The following GRK3 variants were observed in gnomAD, a reference collection of about 807,000 sequenced individuals.
GRK3 encodes the protein G protein-coupled receptor kinase 3, also known as adrenergic, beta, receptor kinase 2.
In GRK3, 54 loss-of-function variants were observed where a neutral mutation model predicts 95.7. The ratio of observed to expected loss-of-function variants is 0.56; its 90% CI spans 0.45 to 0.71. GRK3 has a LOEUF of 0.71. GRK3 is among the 30% of genes least tolerant of loss of function. GRK3 has a pLI of 0.00. For synonymous variants in GRK3, 281 were observed against 290.8 expected (o/e 0.97, Z 0.34); for missense variants, 649 against 851.2 (o/e 0.76, Z 2.96).
chr22:25,696,125 G>A (rs1394868439), intron 13 of GRK3, among the ~76,000 whole-genome samples: 3 of 151,740 alleles, frequency 2.0e-5, no homozygotes, highest in Non-Finnish European at 4.4e-5. Flanking sequence ...ATGAGCCACC[G>A]CGTCCGGCCT....
At position 25,685,235 on chromosome 22, in the gene GRK3, G is replaced by T; in HGVS notation, c.813G>T (p.Leu271=). ...CCCCAGATAAACTCTGCTTCATCCTGGATCTGATGAACGGTAAGCAAAACT... is the reference window on the plus strand; with the variant it reads ...CCCCAGATAAACTCTGCTTCATCCTTGATCTGATGAACGGTAAGCAAAACT... ...FHTPDKLCFI[L]DLMNGGDLHY... is the part of the protein sequence containing the mutation. Residue 271 remains leucine, a synonymous_variant, in exon 10 of 21, where the codon CTG becomes CTT. Transcript: ENST00000324198. The T allele has an allele frequency of 6.2e-7, 1 of 1,612,432 alleles. No individual in the cohort carries two copies.
intron 10 of GRK3, among the ~76,000 whole-genome samples, chr22:25,686,227 A>C (rs1280520004): frequency 1.3e-5 from 2 of 152,046 alleles, no homozygotes; most frequent in East Asian, 1.9e-4. Flanking sequence ...GTCTCAAAAA[A>C]AAAAAACAAA....
chr22:25,689,683 T>C (rs533721439), intron 11 of GRK3, among the ~76,000 whole-genome samples: 2 of 152,212 alleles, frequency 1.3e-5, no homozygotes, highest in East Asian at 1.9e-4. Flanking sequence ...ATGACACTTA[T>C]TGGGATTAGT....
intron 1 of GRK3, among the ~76,000 whole-genome samples, chr22:25,588,846 G>T (rs1462713213): frequency 6.7e-6 from 1 of 149,670 alleles, no homozygotes; most frequent in Admixed American, 6.7e-5. Context: ...ATAGCTCACT[G>T]CAGCCTCAAA....
chr22:25,602,165 A>C (rs1208881719), intron 1 of GRK3, among the ~76,000 whole-genome samples: 1 of 152,242 alleles, frequency 6.6e-6, no homozygotes, highest in African/African-American at 2.4e-5. Context: ...ACATTTGTCT[A>C]CACACCTCTA....
intron 17 of GRK3, among the ~76,000 whole-genome samples, chr22:25,713,229 C>T (rs548381132): frequency 6.6e-6 from 1 of 152,146 alleles, no homozygotes; most frequent in South Asian, 2.1e-4. Context: ...GCTCATCGGA[C>T]CTTGAGGTTT....
At chr22:25,572,096 G>A (rs1931720325) in intron 1 of GRK3, among the ~76,000 whole-genome samples, 1 of 151,442 alleles carries the variant, frequency 6.6e-6, no homozygotes, top group Non-Finnish European at 1.5e-5. Context: ...CTATGAGTGA[G>A]AACATGTGGT....
rs143337955 is a variant in GRK3 at position 25,648,156 on chromosome 22, C to T, written c.264+3491C>T. ...CAAACAGAACAAAACAAAACAAAAA[C>T]GAGAGAGCGAAACTACTAAAGGTGC... On this transcript the variant is annotated intron_variant, in intron 3 of 20. Transcript: ENST00000324198. The T allele has an allele frequency of 2.8e-4, 182 of 660,486 alleles. No homozygotes were observed. In the East Asian group the frequency reaches 3.8e-3, roughly 14 times the overall value. 40.9% of individuals were successfully genotyped at this position (660,486 alleles called of 1,614,324 possible). A position where few individuals can be genotyped will look rare whatever the true frequency, so the allele number is the denominator to read the frequency against.
intron 1 of GRK3, among the ~76,000 whole-genome samples, chr22:25,576,469 C>T (rs1931902654): frequency 6.6e-6 from 1 of 152,198 alleles, no homozygotes; most frequent in Non-Finnish European, 1.5e-5. Context: ...GACCAGAAAC[C>T]TTTGCCATTT....
rs1459158567 is a variant in GRK3, at chr22:25,649,152, C to T, written c.264+4487C>T. ...TTGGAAGAAGGACCCTGATGAAAGACCAACATTTGAATATGTTCAGTCCTT... is the reference window on the plus strand; with the variant it reads ...TTGGAAGAAGGACCCTGATGAAAGATCAACATTTGAATATGTTCAGTCCTT... On this transcript the variant is annotated intron_variant, in intron 3 of 20. Coordinates refer to ENST00000324198, the MANE Select transcript of GRK3 (RefSeq NM_005160.4). 3.5e-6 allele frequency: 5 copies of T among 1,418,962 alleles called. No individual in the cohort carries two copies. The South Asian group carries it at 4.6e-5, about 13-fold the overall frequency. The allele number at this position is 1,418,962 out of a possible 1,614,324, so 87.9% of individuals were successfully genotyped here.
Position 25,722,552 on chromosome 22 carries a change from T to C in GRK3, c.*102T>C. On this transcript the variant is annotated 3_prime_UTR_variant, in exon 21 of 21. Transcript: ENST00000324198. ...CTGATCTATTCGCTACCGGGACTCC[T>C]CCAGGCTCCCGAGAGGAGTCGGGAC... 1 of 1,296,102 alleles carries C rather than the reference T, an allele frequency of 7.7e-7. No homozygotes were observed. 80.3% of individuals were successfully genotyped at this position (1,296,102 alleles called of 1,614,324 possible).
intron 3 of GRK3, among the ~76,000 whole-genome samples, chr22:25,659,639 G>A (rs1000159503): frequency 4.6e-5 from 7 of 152,190 alleles, no homozygotes; most frequent in Admixed American, 2.0e-4. Flanking sequence ...CTATGTATAT[G>A]CTGCAATAGG....
intron 1 of GRK3, among the ~76,000 whole-genome samples, chr22:25,567,834 T>G (rs1055391273): frequency 6.6e-6 from 1 of 152,232 alleles, no homozygotes; most frequent in African/African-American, 2.4e-5. Flanking sequence ...GAACGAAATA[T>G]CTAGCTAATT....
At chr22:25,612,066 C>G (rs1171626357) in intron 2 of GRK3, among the ~76,000 whole-genome samples, 1 of 152,104 alleles carries the variant, frequency 6.6e-6, no homozygotes, top group African/African-American at 2.4e-5. Flanking sequence ...CTCTTGAGCT[C>G]AGGCAATCCA....
intron 13 of GRK3, among the ~76,000 whole-genome samples, chr22:25,700,142 A>G (rs2085246767): frequency 6.6e-6 from 1 of 152,236 alleles, no homozygotes; most frequent in Non-Finnish European, 1.5e-5. Flanking sequence ...GATGGGAGAA[A>G]GATGTCAAGG....
chr22:25,675,151 C>G (rs536396948), intron 8 of GRK3, among the ~76,000 whole-genome samples: 1 of 152,086 alleles, frequency 6.6e-6, no homozygotes, highest in Non-Finnish European at 1.5e-5. Context: ...TCAGCCTCCC[C>G]ATCAGATCAC....
intron 16 of GRK3, among the ~76,000 whole-genome samples, chr22:25,710,732 A>T (rs2085337538): frequency 6.6e-6 from 1 of 152,176 alleles, no homozygotes; most frequent in South Asian, 2.1e-4. Flanking sequence ...GGCAACCCAA[A>T]GGTGGTGTTG....
rs563761758 is a variant in GRK3, at chr22:25,664,621, C to T, written c.441+917C>T. Among the ~76,000 whole-genome samples, 4 of 150,844 alleles carry T rather than the reference C, an allele frequency of 2.7e-5. No homozygotes were observed. The East Asian group carries it at 5.9e-4, about 22-fold the overall frequency. ...TTGCAACCTCCGCCTCCCAGGTTCA[C>T]GCCATTCTCCTGCCTCAGCCTCCCA... On this transcript the variant is annotated intron_variant, in intron 5 of 20. Transcript: ENST00000324198.
chr22:25,579,566 G>A (rs887412429), intron 1 of GRK3, among the ~76,000 whole-genome samples: 42 of 151,838 alleles, frequency 2.8e-4, no homozygotes, highest in African/African-American at 9.9e-4. Context: ...TCCATCTCCC[G>A]GGTTCACGGC....
Sources: gnomAD v4.1 joint callset for allele counts (sites outside exome capture counted in the v4.1 genomes callset) on GRCh38, gnomAD v4.1.1 for gene constraint, MANE v1.5 for transcripts, NCBI Gene and HGNC (gene_info 2026-07-23, HGNC 2026-07-21) for gene names.